PLPP3: variants seen among roughly 807,000 people sequenced by gnomAD.
PLPP3 encodes phospholipid phosphatase 3.
In PLPP3, 6 loss-of-function variants were observed where a neutral mutation model predicts 29.6. That is an observed-to-expected ratio of 0.20 (90% CI 0.11 to 0.40). PLPP3 has a LOEUF of 0.40. PLPP3 is among the 10% of genes least tolerant of loss of function. The pLI, the probability that PLPP3 is intolerant of heterozygous loss-of-function variation, is 1.00. For missense variants in PLPP3, 308 were observed against 407.7 expected, an observed-to-expected ratio of 0.76 and a Z score of 2.11; for synonymous variants, 152 against 159.7, an observed-to-expected ratio of 0.95 and a Z score of 0.36.
At chr1:56,513,257 C>T (rs553374790) in intron 4 of PLPP3, 5 of 152,700 alleles carry the variant, frequency 3.3e-5, no homozygotes, top group African/African-American at 1.2e-4. Context: ...TGGGCATTGT[C>T]CCCTCAGAGT....
chr1:56,511,884 A>G, intron 5 of PLPP3, 92 bp downstream of exon 5: 1 of 1,502,234 alleles, frequency 6.7e-7, no homozygotes, highest in Non-Finnish European at 9.2e-7. Flanking sequence ...GACAGGAACG[A>G]GGGCTCTCTA....
chr1:56,512,073 G>C lies in PLPP3; in HGVS notation c.713C>G (p.Ala238Gly), dbSNP rs944245577. The change falls in exon 5 of 6, where the codon GCC becomes GGC. Residue 238 changes from alanine to glycine, a missense_variant. Physicochemically the swap from Ala to Gly is moderately conservative, Grantham distance 60. Coordinates refer to ENST00000371250, the MANE Select transcript of PLPP3 (RefSeq NM_003713.5). ...TACGCGAGACAGTCCCGTGTAGAAG[G>C]CCATCATGATCAAGGTGAACTGCAG... ...PLLQFTLIMMAFYTGLSRVSD... is the reference protein window; with the variant it reads ...PLLQFTLIMMGFYTGLSRVSD... The C allele has an allele frequency of 6.2e-7, 1 of 1,613,650 alleles. No individual in the cohort carries two copies.
At chr1:56,505,919 G>A (rs1215740707) in intron 5 of PLPP3, among the ~76,000 whole-genome samples, 1 of 152,162 alleles carries the variant, frequency 6.6e-6, no homozygotes, top group Admixed American at 6.5e-5. Flanking sequence ...AGATAGTGTC[G>A]TTATCTATTG....
At chr1:56,542,688 T>C (rs1645978360) in intron 1 of PLPP3, among the ~76,000 whole-genome samples, 1 of 152,108 alleles carries the variant, frequency 6.6e-6, no homozygotes, top group Non-Finnish European at 1.5e-5. Flanking sequence ...AAAATAGGCA[T>C]CTGGTATAGC....
At chr1:56,551,157 T>C (rs1037002666) in intron 1 of PLPP3, among the ~76,000 whole-genome samples, 1 of 152,152 alleles carries the variant, frequency 6.6e-6, no homozygotes, top group Non-Finnish European at 1.5e-5. Flanking sequence ...TTACAGTATA[T>C]ACATATTATC....
intron 1 of PLPP3, among the ~76,000 whole-genome samples, chr1:56,554,427 C>A (rs1422116502): frequency 6.6e-6 from 1 of 151,948 alleles, no homozygotes; most frequent in Non-Finnish European, 1.5e-5. Flanking sequence ...AAAAAATGAG[C>A]CGGGCGTGTT....
At chr1:56,576,802 A>AT (rs1174014044) in intron 1 of PLPP3, among the ~76,000 whole-genome samples, 4 of 152,166 alleles carry the variant, frequency 2.6e-5, no homozygotes, top group African/African-American at 9.7e-5. Flanking sequence ...AAACATGCAT[A>AT]TGCACACACA....
intron 1 of PLPP3, among the ~76,000 whole-genome samples, chr1:56,546,055 G>A (rs1646003705): frequency 6.6e-6 from 1 of 152,180 alleles, no homozygotes; most frequent in South Asian, 2.1e-4. Context: ...TGTTCCGTTT[G>A]GCCTACCCAG....
intron 1 of PLPP3, among the ~76,000 whole-genome samples, chr1:56,578,310 C>G (rs1279982512): frequency 1.3e-5 from 2 of 152,220 alleles, no homozygotes; most frequent in African/African-American, 4.8e-5. Context: ...ATTGCTGAAG[C>G]CGTGCCCAGC....
chr1:56,566,443 T>C (rs1413770678), intron 1 of PLPP3, among the ~76,000 whole-genome samples: 1 of 152,196 alleles, frequency 6.6e-6, no homozygotes, highest in East Asian at 1.9e-4. Context: ...ACAAGTACTT[T>C]ATAGGCTCAT....
intron 1 of PLPP3, among the ~76,000 whole-genome samples, chr1:56,541,707 A>G (rs541436381): frequency 6.6e-6 from 1 of 152,266 alleles, no homozygotes; most frequent in African/African-American, 2.4e-5. Flanking sequence ...TCTATAAAGT[A>G]AGTGAGTCAC....
At chr1:56,554,264 C>T (rs1432420040) in intron 1 of PLPP3, among the ~76,000 whole-genome samples, 2 of 151,972 alleles carry the variant, frequency 1.3e-5, no homozygotes, top group Non-Finnish European at 2.9e-5. Flanking sequence ...TGACGGGTTA[C>T]TGTGAAGTTT....
At chr1:56,523,573 T>A (rs1160590299) in intron 4 of PLPP3, among the ~76,000 whole-genome samples, 2 of 152,176 alleles carry the variant, frequency 1.3e-5, no homozygotes, top group Admixed American at 6.5e-5. Context: ...CCAAAATGTG[T>A]CCACAATGCT....
At chr1:56,511,723 G>A (rs902203747) in intron 5 of PLPP3, among the ~76,000 whole-genome samples, 3 of 151,766 alleles carry the variant, frequency 2.0e-5, no homozygotes, top group Admixed American at 6.6e-5. Context: ...AACATTCTAC[G>A]AGCCCAAAAC....
At chr1:56,571,752 G>A (rs537935332) in intron 1 of PLPP3, among the ~76,000 whole-genome samples, 1 of 151,900 alleles carries the variant, frequency 6.6e-6, no homozygotes, top group East Asian at 1.9e-4. Context: ...GAAAAAGACT[G>A]CTTTGATTGC....
At chr1:56,523,755 G>C in intron 4 of PLPP3, 68 bp downstream of exon 4, 1 of 1,503,688 alleles carries the variant, frequency 6.7e-7, no homozygotes, top group Non-Finnish European at 9.3e-7. Flanking sequence ...ACTATTTTGA[G>C]GGCTATCATA....
chr1:56,565,102 G>T (rs1646152496), intron 1 of PLPP3, among the ~76,000 whole-genome samples: 1 of 152,190 alleles, frequency 6.6e-6, no homozygotes, highest in Non-Finnish European at 1.5e-5. Flanking sequence ...GACCCAAACA[G>T]CTACTTTGGG....
chr1:56,572,779 A>G (rs921352713), intron 1 of PLPP3, among the ~76,000 whole-genome samples: 6 of 152,350 alleles, frequency 3.9e-5, no homozygotes, highest in Middle Eastern at 3.4e-3. Context: ...GAAGAACAAC[A>G]GCAACTTCAT....
intron 1 of PLPP3, among the ~76,000 whole-genome samples, chr1:56,574,534 AG>A (rs1472884115): frequency 6.6e-6 from 1 of 152,154 alleles, no homozygotes; most frequent in Admixed American, 6.5e-5. Context: ...GGATTACAGG[AG>A]TAAGCCACTG....
Sources: gnomAD v4.1 joint callset for allele counts (sites outside exome capture counted in the v4.1 genomes callset) on GRCh38, gnomAD v4.1.1 for gene constraint, MANE v1.5 for transcripts, NCBI Gene and HGNC (gene_info 2026-07-23, HGNC 2026-07-21) for gene names.